The following ZNF704 variants were observed in gnomAD, a reference collection of about 807,000 sequenced individuals.
ZNF704 encodes zinc finger protein 704, also known as glucocorticoid induced gene 1.
A neutral mutation model predicts 44.7 loss-of-function variants in ZNF704; 10 were observed. The observed-to-expected ratio is 0.22, with a 90% CI of 0.14 to 0.38. ZNF704 has a LOEUF of 0.38. Ranked by LOEUF, ZNF704 falls within the 10% of genes least tolerant of loss-of-function variation. The pLI, the probability that ZNF704 is intolerant of heterozygous loss-of-function variation, is 1.00. For synonymous variants in ZNF704, 211 were observed against 207.6 expected, an observed-to-expected ratio of 1.02 and a Z score of -0.14; for missense variants, 390 against 545.5, an observed-to-expected ratio of 0.71 and a Z score of 2.84.
Position 80,674,293 on chromosome 8 carries a change from A to G in ZNF704, c.559-3690T>C, listed in dbSNP as rs576053521. On this transcript the variant is annotated intron_variant, in intron 4 of 8. Transcript: ENST00000327835. ...GGAATTCTGCAGAATTCAAAATACTATTTTATTCAAAGCATATAACTTAAC... is the reference window on the plus strand; with the variant it reads ...GGAATTCTGCAGAATTCAAAATACTGTTTTATTCAAAGCATATAACTTAAC... Among the ~76,000 whole-genome samples the G allele has an allele frequency of 1.5e-4, 23 of 152,278 alleles. 1 individual carries two copies. The South Asian group carries it at 4.6e-3, about 30-fold the overall frequency.
chr8:80,816,045 T>A (rs1262271590), intron 2 of ZNF704, among the ~76,000 whole-genome samples: 1 of 152,172 alleles, frequency 6.6e-6, no homozygotes, highest in African/African-American at 2.4e-5. Context: ...TCAGCCAGAG[T>A]CACTGTCTGT....
chr8:80,871,323 T>C (rs899016845), intron 1 of ZNF704, among the ~76,000 whole-genome samples: 1 of 152,196 alleles, frequency 6.6e-6, no homozygotes, highest in Admixed American at 6.5e-5. Flanking sequence ...ATCTCATACC[T>C]ACCAAGTTCC....
chr8:80,767,761 G>T (rs1326337395), intron 2 of ZNF704, among the ~76,000 whole-genome samples: 1 of 152,094 alleles, frequency 6.6e-6, no homozygotes, highest in Non-Finnish European at 1.5e-5. Flanking sequence ...CCTTTACAAA[G>T]AAATTCACTT....
chr8:80,829,326 C>G (rs1448524245), intron 1 of ZNF704, among the ~76,000 whole-genome samples: 6 of 152,086 alleles, frequency 3.9e-5, no homozygotes, highest in Admixed American at 2.6e-4. Flanking sequence ...GAGAGTTTTT[C>G]ACTTCTCCAC....
chr8:80,693,123 G>C lies in ZNF704; in HGVS notation c.222-16C>G. On this transcript the variant is annotated splice_polypyrimidine_tract_variant and intron_variant, in intron 2 of 8. Transcript: ENST00000327835. Reference sequence around the variant, plus strand: ...TGAAGATTTCCTGTAAAACAGGAAGGGACACTGGTGACTGTTCACTCTGCA... The same window carrying C: ...TGAAGATTTCCTGTAAAACAGGAAGCGACACTGGTGACTGTTCACTCTGCA... 3.8e-6 allele frequency: 6 copies of C among 1,598,736 alleles called. No homozygotes were observed. Among genetic ancestry groups the C allele is most frequent in the Non-Finnish European group, 5.1e-6 (6 of 1,166,086 alleles).
At chr8:80,871,956 ATT>A (rs1563584465) in intron 1 of ZNF704, among the ~76,000 whole-genome samples, 16 of 152,360 alleles carry the variant, frequency 1.1e-4, no homozygotes, top group African/African-American at 2.9e-4. Context: ...GATCAAGTGA[ATT>A]ATCACACTCA....
intron 2 of ZNF704, among the ~76,000 whole-genome samples, chr8:80,738,804 T>C (rs188490212): frequency 4.6e-5 from 7 of 152,304 alleles, no homozygotes; most frequent in African/African-American, 7.2e-5. Context: ...CAGATACTTA[T>C]TGGCTGAAAA....
chr8:80,848,295 C>T (rs115162974), intron 1 of ZNF704, among the ~76,000 whole-genome samples: 175 of 152,196 alleles, frequency 1.1e-3, no homozygotes, highest in African/African-American at 4.1e-3. Flanking sequence ...ATCCATGTGG[C>T]GAAAAGTTCT....
At chr8:80,882,751 G>A in the ZNF704 span, among the ~76,000 whole-genome samples, 1 of 152,000 alleles carries the variant, frequency 6.6e-6, no homozygotes, top group Non-Finnish European at 1.5e-5. Flanking sequence ...TCATTTCAAC[G>A]ACTACTATTT....
chr8:80,754,867 G>C (rs1341803006), intron 2 of ZNF704, among the ~76,000 whole-genome samples: 2 of 152,218 alleles, frequency 1.3e-5, no homozygotes, highest in African/African-American at 4.8e-5. Context: ...GCATAAGCCA[G>C]AAATATATTA....
intron 4 of ZNF704, among the ~76,000 whole-genome samples, chr8:80,676,132 TAGC>T (rs1818361992): frequency 6.6e-6 from 1 of 152,176 alleles, no homozygotes; most frequent in South Asian, 2.1e-4. Flanking sequence ...GTGGCCCAAA[TAGC>T]AGTAAATCTC....
intron 1 of ZNF704, among the ~76,000 whole-genome samples, chr8:80,854,942 G>A (rs1021103873): frequency 2.0e-5 from 3 of 152,132 alleles, no homozygotes; most frequent in South Asian, 4.1e-4. Context: ...TTTGATACAG[G>A]CATGCAATGT....
At chr8:80,695,055 G>A (rs1024871476) in intron 2 of ZNF704, among the ~76,000 whole-genome samples, 1 of 152,162 alleles carries the variant, frequency 6.6e-6, no homozygotes, top group Non-Finnish European at 1.5e-5. Flanking sequence ...AGTATTCACA[G>A]TTTACAAGAT....
intron 2 of ZNF704, among the ~76,000 whole-genome samples, chr8:80,792,572 C>CA (rs1246724385): frequency 6.6e-6 from 1 of 152,078 alleles, no homozygotes; most frequent in Non-Finnish European, 1.5e-5. Context: ...AATTAGGCTA[C>CA]AAAAAAGACT....
At chr8:80,705,746 G>C (rs997752892) in intron 2 of ZNF704, among the ~76,000 whole-genome samples, 3 of 152,242 alleles carry the variant, frequency 2.0e-5, no homozygotes, top group Non-Finnish European at 4.4e-5. Context: ...CTGGCTGCCA[G>C]GGCAGCCAGC....
At chr8:80,830,753 C>CTTTCTTTTTTTT (rs1554585536) in intron 1 of ZNF704, among the ~76,000 whole-genome samples, 1 of 89,130 alleles carries the variant, frequency 1.1e-5, no homozygotes, top group African/African-American at 4.7e-5. Context: ...GTGTTTCTTT[C>CTTTCTTTTTTTT]TTTTTTTTTT....
intron 2 of ZNF704, among the ~76,000 whole-genome samples, chr8:80,725,459 G>A (rs1349722629): frequency 6.6e-6 from 1 of 152,062 alleles, no homozygotes; most frequent in African/African-American, 2.4e-5. Context: ...CACGTATATG[G>A]AATTAAGAAC....
At chr8:80,705,102 C>G (rs1342807330) in intron 2 of ZNF704, among the ~76,000 whole-genome samples, 4 of 152,168 alleles carry the variant, frequency 2.6e-5, no homozygotes, top group African/African-American at 4.8e-5. Context: ...ATGGGGAAAA[C>G]TCCCACACAT....
chr8:80,733,618 G>T (rs1460232128), intron 2 of ZNF704, among the ~76,000 whole-genome samples: 1 of 152,150 alleles, frequency 6.6e-6, no homozygotes, highest in Non-Finnish European at 1.5e-5. Flanking sequence ...CCCAGCTTTG[G>T]TTGGTTTCTG....
Sources: allele counts gnomAD v4.1 joint callset (sites outside exome capture counted in the v4.1 genomes callset), GRCh38; gene constraint gnomAD v4.1.1; transcripts MANE v1.5; gene names NCBI Gene and HGNC (gene_info 2026-07-23, HGNC 2026-07-21).